The following SLC36A1 variants were observed in gnomAD, a reference collection of about 807,000 sequenced individuals.
The protein encoded by SLC36A1 is solute carrier family 36 member 1, also known as proton-coupled amino acid transporter 1.
In SLC36A1, 30 loss-of-function variants were observed where a neutral mutation model predicts 47.5. The observed-to-expected ratio is 0.63, with a 90% CI of 0.47 to 0.86. SLC36A1 has a LOEUF of 0.86. Ranked by LOEUF, SLC36A1 falls within the 40% of genes least tolerant of loss-of-function variation. The pLI is 0.00. For missense variants in SLC36A1, 517 were observed against 606.0 expected (o/e 0.85, Z 1.54); for synonymous variants, 255 against 249.7 (o/e 1.02, Z -0.20).
At chr5:151,422,845 G>C in the SLC36A1 span, among the ~76,000 whole-genome samples, 1 of 152,186 alleles carries the variant, frequency 6.6e-6, no homozygotes, top group Non-Finnish European at 1.5e-5. Flanking sequence ...GGAAGGCTGA[G>C]GCAGGAGAAT....
At chr5:151,521,725 C>T in the SLC36A1 span, 1 of 1,613,980 alleles carries the variant, frequency 6.2e-7, no homozygotes, top group Non-Finnish European at 8.5e-7. Flanking sequence ...AGCCTCCTGC[C>T]CCACATGCCA....
chr5:151,428,406 G>A, the SLC36A1 span, among the ~76,000 whole-genome samples: 1 of 152,212 alleles, frequency 6.6e-6, no homozygotes, highest in African/African-American at 2.4e-5. Flanking sequence ...AGCAAGGGGT[G>A]GCCTAGCTCC....
chr5:151,435,781 G>A (rs1178160435), upstream of SLC36A1, among the ~76,000 whole-genome samples: 1 of 151,460 alleles, frequency 6.6e-6, no homozygotes, highest in African/African-American at 2.4e-5. Flanking sequence ...AAACATAATA[G>A]GTGGAAGATA....
the SLC36A1 span, among the ~76,000 whole-genome samples, chr5:151,497,803 A>G: frequency 6.6e-6 from 1 of 152,150 alleles, no homozygotes; most frequent in Non-Finnish European, 1.5e-5. Flanking sequence ...AGTTGTGACA[A>G]CTAAAAATGT....
the SLC36A1 span, among the ~76,000 whole-genome samples, chr5:151,384,011 A>G: frequency 1.4e-5 from 2 of 145,864 alleles, no homozygotes; most frequent in Admixed American, 1.3e-4. Context: ...GGTTGCTAAT[A>G]AAATCATAGT....
chr5:151,386,999 C>T, the SLC36A1 span: 1 of 152,284 alleles, frequency 6.6e-6, no homozygotes, highest in African/African-American at 2.4e-5. Context: ...GGCCCAACTC[C>T]TGTAAACTCC....
At chr5:151,541,827 G>C in the SLC36A1 span, among the ~76,000 whole-genome samples, 3 of 152,216 alleles carry the variant, frequency 2.0e-5, no homozygotes, top group Non-Finnish European at 2.9e-5. Context: ...CTAAGGAAGT[G>C]CTGTCATTCT....
the SLC36A1 span, chr5:151,507,071 C>G: frequency 7.9e-6 from 10 of 1,261,476 alleles, no homozygotes; most frequent in Non-Finnish European, 1.1e-5. Context: ...GCTAAAAATG[C>G]CTGTGCCTCA....
the SLC36A1 span, chr5:151,551,516 T>G: frequency 6.2e-7 from 1 of 1,614,232 alleles, no homozygotes; most frequent in Non-Finnish European, 8.5e-7. Flanking sequence ...AGTCAAGTTA[T>G]AGTTCGACCT....
the SLC36A1 span, chr5:151,537,869 G>T: frequency 6.2e-7 from 1 of 1,614,148 alleles, no homozygotes; most frequent in Non-Finnish European, 8.5e-7. Flanking sequence ...TGGTATCAGT[G>T]TCCAAGTCTG....
At chr5:151,366,199 T>TG in the SLC36A1 span, among the ~76,000 whole-genome samples, 2 of 152,120 alleles carry the variant, frequency 1.3e-5, no homozygotes, top group African/African-American at 4.8e-5. Context: ...TCAGATCTGA[T>TG]GGGGGTAAAT....
the SLC36A1 span, among the ~76,000 whole-genome samples, chr5:151,388,501 CAAAAGAAA>C: frequency 3.3e-5 from 3 of 90,778 alleles, no homozygotes; most frequent in African/African-American, 1.6e-4. Context: ...AACTCCATCT[CAAAAGAAA>C]AAAAAAAAAA....
the SLC36A1 span, chr5:151,543,206 C>T: frequency 6.2e-7 from 1 of 1,614,212 alleles, no homozygotes; most frequent in Non-Finnish European, 8.5e-7. Context: ...TTGACCACAC[C>T]AGTGACTGGG....
At chr5:151,519,939 G>A in the SLC36A1 span, among the ~76,000 whole-genome samples, 157 of 152,182 alleles carry the variant, frequency 1.0e-3, no homozygotes, top group Non-Finnish European at 1.8e-3. Context: ...TTAAAATCAC[G>A]CTCTCCAGTA....
chr5:151,476,985 G>T (rs757762321), intron 9 of SLC36A1: 2 of 662,800 alleles, frequency 3.0e-6, no homozygotes, highest in South Asian at 3.0e-5. Flanking sequence ...CGATGGGTAA[G>T]CCATTTCTCC....
At chr5:151,528,078 A>G in the SLC36A1 span, 2 of 1,614,088 alleles carry the variant, frequency 1.2e-6, no homozygotes, top group South Asian at 1.1e-5. Flanking sequence ...GTTCCCTCCT[A>G]TGAGGCTATA....
intron 9 of SLC36A1, 163 bp downstream of exon 9, chr5:151,476,919 T>C: frequency 1.1e-6 from 1 of 884,282 alleles, no homozygotes; most frequent in East Asian, 2.6e-5. Context: ...CTGGACTGCA[T>C]TCTGTTTGGG....
At chr5:151,453,680 A>G (rs1212154649) in intron 1 of SLC36A1, among the ~76,000 whole-genome samples, 1 of 152,128 alleles carries the variant, frequency 6.6e-6, no homozygotes, top group South Asian at 2.1e-4. Flanking sequence ...TGGGATTAGA[A>G]TGACAGCCAG....
chr5:151,484,501 C>G (rs530315827), intron 10 of SLC36A1, among the ~76,000 whole-genome samples: 1 of 152,266 alleles, frequency 6.6e-6, no homozygotes, highest in East Asian at 1.9e-4. Context: ...GGAACATATC[C>G]CAGAACACAG....
Sources: gnomAD v4.1 joint callset for allele counts (sites outside exome capture counted in the v4.1 genomes callset) on GRCh38, gnomAD v4.1.1 for gene constraint, MANE v1.5 for transcripts, NCBI Gene and HGNC (gene_info 2026-07-23, HGNC 2026-07-21) for gene names.